CDHR3: variants seen among roughly 807,000 people sequenced by gnomAD.
CDHR3 encodes cadherin related family member 3.
In CDHR3, 79 loss-of-function variants were observed where a neutral mutation model predicts 86.6. The ratio of observed to expected loss-of-function variants is 0.91; its 90% CI spans 0.76 to 1.10. The LOEUF is 1.10. Ranked by LOEUF, CDHR3 falls within the 50% of genes least tolerant of loss-of-function variation. CDHR3 has a pLI of 0.00. For synonymous variants in CDHR3, 421 were observed against 402.4 expected (o/e 1.05, Z -0.55); for missense variants, 1,081 against 1,077.6 (o/e 1.00, Z -0.04).
intron 2 of CDHR3, among the ~76,000 whole-genome samples, chr7:105,980,623 A>ATTTTTTTTTTTTTT (rs55880404): frequency 9.2e-6 from 1 of 108,156 alleles, no homozygotes. Context: ...TTTTTTTTTA[A>ATTTTTTTTTTTTTT]TTTTTTTTTT....
Position 105,994,938 on chromosome 7 carries a change from G to A in CDHR3, c.608+93G>A, listed in dbSNP as rs955426566. The A allele has an allele frequency of 1.4e-5, 14 of 988,744 alleles. No individual in the cohort carries two copies. In the African/African-American group the frequency reaches 1.5e-4, roughly 10 times the overall value. 61.2% of individuals were successfully genotyped at this position (988,744 alleles called of 1,614,324 possible). On this transcript the variant is annotated intron_variant, in intron 5 of 18. Transcript: ENST00000317716. ...GTCACAGTGCAACCTGAGGGCAGCT[G>A]GGGGGAGCCCCTTGAGCAGTCTACA...
At chr7:105,984,328 G>A in intron 4 of CDHR3, 39 bp downstream of exon 4, 1 of 1,531,890 alleles carries the variant, frequency 6.5e-7, no homozygotes, top group Non-Finnish European at 9.0e-7. Flanking sequence ...GTTTGTCCGT[G>A]TTGGGTTAGA....
rs373691451 is a variant in CDHR3, at chr7:106,004,618, G to T, written c.983G>T (p.Arg328Leu). 2.0e-5 allele frequency: 33 copies of T among 1,613,994 alleles called. No homozygotes were observed. The African/African-American group carries it at 3.3e-4, about 16-fold the overall frequency. ...AGACCATATGGGGGTCAGGAGAATC[G>T]CATCCAGATAACCTTCATTGTGGAA... ...KDRPYGGQEN[R>L]IQITFIVEDV... The change falls in exon 8 of 19, where the codon CGC (arginine) becomes CTC (leucine). Residue 328 changes from arginine to leucine, a missense_variant. Physicochemically the swap from Arg to Leu is moderately radical, Grantham distance 102 (BLOSUM62 -2). Transcript: ENST00000317716.
intron 14 of CDHR3, among the ~76,000 whole-genome samples, chr7:106,024,150 T>C (rs940857255): frequency 1.3e-5 from 2 of 152,202 alleles, no homozygotes; most frequent in Admixed American, 1.3e-4. Flanking sequence ...AAATAAGGCC[T>C]AGAGTTGTTT....
intron 6 of CDHR3, among the ~76,000 whole-genome samples, chr7:105,999,369 G>C (rs1462056231): frequency 6.6e-6 from 1 of 152,156 alleles, no homozygotes; most frequent in African/African-American, 2.4e-5. Flanking sequence ...TGGGGATCTG[G>C]GTTCCTGGAG....
Position 105,974,983 on chromosome 7 carries a change from A to G in CDHR3, c.186A>G (p.Ile62Met), listed in dbSNP as rs376131291. Reference protein sequence around the residue: ...LSPVIPGFPQIVNSNPLTEAF... With the variant: ...LSPVIPGFPQMVNSNPLTEAF... ...CTGTGATCCCAGGATTTCCCCAGAT[A>G]GTCAACTCAAATCCCCTCACTGAAG... The change falls in exon 2 of 19, where the codon ATA becomes ATG. Residue 62 changes from isoleucine to methionine, a missense_variant. Coordinates refer to ENST00000317716, the MANE Select transcript of CDHR3 (RefSeq NM_152750.5). 1 of 1,613,980 alleles carries G rather than the reference A, an allele frequency of 6.2e-7. No individual in the cohort carries two copies. The highest frequency in any genetic ancestry group is 8.5e-7 in the Non-Finnish European group (1 of 1,179,862).
rs1221031902 is a variant in CDHR3, at chr7:106,030,105, T to G, written c.2305-687T>G. On this transcript the variant is annotated intron_variant, in intron 17 of 18. Transcript: ENST00000317716. The surrounding 1 kb of genome is among the most constrained non-coding windows in gnomAD (Gnocchi z 4.8). ...ACTCCAAACACAATCCTTGTTACTG[T>G]GCTAGTGACCCTGACTTTGGCACCT... Among the ~76,000 whole-genome samples, 1 of 152,142 alleles carries G rather than the reference T, an allele frequency of 6.6e-6. No individual in the cohort carries two copies. Among genetic ancestry groups the G allele is most frequent in the African/African-American group, 2.4e-5 (1 of 41,412 alleles).
chr7:105,995,051 G>C (rs1369860657), intron 5 of CDHR3, among the ~76,000 whole-genome samples: 2 of 152,232 alleles, frequency 1.3e-5, no homozygotes, highest in Non-Finnish European at 2.9e-5. Context: ...GGTCTCCAGA[G>C]AACAAGAATG....
chr7:106,032,476 G>A lies in CDHR3; in HGVS notation c.2437G>A (p.Glu813Lys), dbSNP rs1469443665. Reference protein sequence around the residue: ...DPLTQMPKWKESSHQGAAPRR... With the variant: ...DPLTQMPKWKKSSHQGAAPRR... ...ACTAACCCAAATGCCAAAATGGAAA[G>A]AGTCCAGCCACCAGGGAGCTGCCCC... The change falls in exon 19 of 19, where the codon GAG becomes AAG. Residue 813 changes from glutamate (E) to lysine (K), a missense_variant. Coordinates refer to ENST00000317716, the MANE Select transcript of CDHR3 (RefSeq NM_152750.5). 3 of 1,613,948 alleles carry A rather than the reference G, an allele frequency of 1.9e-6. No homozygotes were observed. The highest frequency in any genetic ancestry group is 1.1e-5 in the South Asian group (1 of 91,050).
chr7:105,995,123 C>T (rs1227266640), intron 5 of CDHR3, among the ~76,000 whole-genome samples: 4 of 152,168 alleles, frequency 2.6e-5, no homozygotes, highest in African/African-American at 4.8e-5. Context: ...TCAGACATAA[C>T]CAGGTCCATG....
chr7:106,001,665 G>T (rs544851993), intron 7 of CDHR3, 55 bp downstream of exon 7: 1 of 1,600,514 alleles, frequency 6.2e-7, no homozygotes, highest in Non-Finnish European at 8.5e-7. Flanking sequence ...CATGTGGATT[G>T]TCTTACAATG....
intron 11 of CDHR3, 143 bp downstream of exon 11, chr7:106,016,168 C>T (rs1448334451): frequency 5.1e-6 from 3 of 590,750 alleles, no homozygotes; most frequent in African/African-American, 3.7e-5. Context: ...TTTATTGCAC[C>T]TCTTATTTCT....
intron 1 of CDHR3, among the ~76,000 whole-genome samples, chr7:105,969,936 C>T (rs991306338): frequency 3.3e-5 from 5 of 152,072 alleles, no homozygotes; most frequent in Non-Finnish European, 5.9e-5. Context: ...TTGACAGGAA[C>T]CCCCAGAGAA....
intron 8 of CDHR3, among the ~76,000 whole-genome samples, chr7:106,007,018 T>C (rs1834028191): frequency 6.6e-6 from 1 of 152,242 alleles, no homozygotes. Context: ...AATTCTTGAC[T>C]TCTGTGCAGC....
chr7:105,985,667 A>G (rs1458177695), intron 4 of CDHR3, among the ~76,000 whole-genome samples: 6 of 152,226 alleles, frequency 3.9e-5, no homozygotes, highest in African/African-American at 1.2e-4. Flanking sequence ...GTGTAAAAAA[A>G]AAAAATCACC....
At chr7:105,964,213 T>C (rs1375218505) in intron 1 of CDHR3, among the ~76,000 whole-genome samples, 1 of 152,208 alleles carries the variant, frequency 6.6e-6, no homozygotes, top group Non-Finnish European at 1.5e-5. Context: ...GTTTCCTTCA[T>C]ATAGATTTGG....
chr7:105,987,783 C>T (rs1420597573), intron 4 of CDHR3, among the ~76,000 whole-genome samples: 2 of 152,240 alleles, frequency 1.3e-5, no homozygotes, highest in African/African-American at 4.8e-5. Flanking sequence ...CCAAGTCCCA[C>T]TCCTGGAGTT....
intron 7 of CDHR3, among the ~76,000 whole-genome samples, chr7:106,002,761 A>G (rs1833394039): frequency 6.6e-6 from 1 of 152,210 alleles, no homozygotes; most frequent in South Asian, 2.1e-4. Flanking sequence ...TAACAAGTAA[A>G]AAGAAATAGG....
chr7:106,022,009 C>T (rs1563300548), intron 13 of CDHR3, among the ~76,000 whole-genome samples, 189 bp from the exon 14 acceptor site: 1 of 152,204 alleles, frequency 6.6e-6, no homozygotes, highest in Non-Finnish European at 1.5e-5. Context: ...TTTCTTTGTA[C>T]TAATGCCATC....
Sources: allele counts gnomAD v4.1 joint callset (sites outside exome capture counted in the v4.1 genomes callset), GRCh38; gene constraint gnomAD v4.1.1; non-coding constraint Gnocchi (gnomAD v3.1); transcripts MANE v1.5; gene names NCBI Gene and HGNC (gene_info 2026-07-23, HGNC 2026-07-21).